RASEF: variants seen among roughly 807,000 people sequenced by gnomAD.
The protein encoded by RASEF is RAS and EF-hand domain containing, also known as ras and EF-hand domain-containing protein.
Under a neutral mutation model 90.1 loss-of-function variants are expected in RASEF, and 68 were observed. The ratio of observed to expected loss-of-function variants is 0.75; its 90% confidence interval spans 0.62 to 0.92. The LOEUF (loss-of-function observed/expected upper bound fraction) is 0.92. Ranked by LOEUF, RASEF falls within the 40% of genes least tolerant of loss-of-function variation. RASEF has a pLI of 0.00. For synonymous variants in RASEF, 331 were observed against 345.2 expected, an observed-to-expected ratio of 0.96 and a Z score of 0.46; for missense variants, 949 against 937.2, an observed-to-expected ratio of 1.01 and a Z score of -0.16.
chr9:83,073,184 G>A, the RASEF span, among the ~76,000 whole-genome samples: 2 of 152,028 alleles, frequency 1.3e-5, no homozygotes, highest in Admixed American at 1.3e-4. Context: ...CCTCCTGCTG[G>A]TAGGGTTTGC....
the RASEF span, among the ~76,000 whole-genome samples, chr9:83,178,662 A>G: frequency 6.6e-6 from 1 of 152,184 alleles, no homozygotes; most frequent in Non-Finnish European, 1.5e-5. Context: ...TAATAAATAC[A>G]TCTAAGATTG....
chr9:83,002,089 C>T (rs2118452124), intron 9 of RASEF, among the ~76,000 whole-genome samples: 1 of 152,234 alleles, frequency 6.6e-6, no homozygotes, highest in Non-Finnish European at 1.5e-5. Context: ...TCTAAGTTTA[C>T]CAATTATGGT....
chr9:82,982,679 A>T lies in RASEF; in HGVS notation c.2221T>A (p.Ter741LysextTer8). 1 of 1,536,988 alleles carries T rather than the reference A, an allele frequency of 6.5e-7. No homozygotes were observed. The highest frequency in any genetic ancestry group is 9.0e-7 in the Non-Finnish European group (1 of 1,109,680). ...SPQMKNCCNG[*>K] ...CACAGGCCAAGGATGTTTGGGATTT[A>T]GCCATTGCAACAATTCTTCATCTGT... Residue 741 changes from the stop codon to lysine (K), a stop_lost, in exon 17 of 17, where the codon TAA becomes AAA. Transcript: ENST00000376447.
In RASEF at chr9:83,062,817, G is replaced by A. The variant is rs554402618; in HGVS notation, c.51C>T (p.Phe17=). 7.1e-6 allele frequency: 11 copies of A among 1,554,974 alleles called. No individual in the cohort carries two copies. Among genetic ancestry groups the A allele is most frequent in the Non-Finnish European group, 9.5e-6 (11 of 1,161,368 alleles). Residue 17 remains phenylalanine (F), a synonymous_variant, in exon 1 of 17, where the codon TTC becomes TTT. Coordinates refer to ENST00000376447, the MANE Select transcript of RASEF (RefSeq NM_152573.4). Reference sequence around the variant, plus strand: ...CCGAGCGGTTCGCGTCGCAGGCGGCGAAGACTGAGCGCAGCCGGGCCAGCT... The same window carrying A: ...CCGAGCGGTTCGCGTCGCAGGCGGCAAAGACTGAGCGCAGCCGGGCCAGCT... ...GEELARLRSV[F]AACDANRSGR...
At chr9:83,217,537 T>C in the RASEF span, among the ~76,000 whole-genome samples, 1 of 152,004 alleles carries the variant, frequency 6.6e-6, no homozygotes, top group Non-Finnish European at 1.5e-5. Flanking sequence ...GTTCTCATGG[T>C]AGTGAATAAG....
chr9:83,096,928 C>T, the RASEF span, among the ~76,000 whole-genome samples: 38 of 152,102 alleles, frequency 2.5e-4, no homozygotes, highest in South Asian at 7.9e-3. Context: ...TGATGGTTTC[C>T]AGCTTCATCC....
chr9:83,114,239 T>G, the RASEF span, among the ~76,000 whole-genome samples: 1 of 152,218 alleles, frequency 6.6e-6, no homozygotes, highest in Admixed American at 6.5e-5. Flanking sequence ...GAACATAAAT[T>G]GTGAAGATTT....
At chr9:83,187,315 G>C in the RASEF span, among the ~76,000 whole-genome samples, 1 of 152,012 alleles carries the variant, frequency 6.6e-6, no homozygotes, top group Non-Finnish European at 1.5e-5. Flanking sequence ...GGCCACTTCT[G>C]TCTGCCATCA....
At chr9:83,209,518 C>A in the RASEF span, among the ~76,000 whole-genome samples, 713 of 152,354 alleles carry the variant, frequency 4.7e-3, 3 homozygotes, top group Non-Finnish European at 8.1e-3. Context: ...AAGAAACTGG[C>A]CCAGGCCAAG....
the RASEF span, among the ~76,000 whole-genome samples, chr9:83,182,842 TCCATATCATGGAATGTG>T: frequency 1.0e-3 from 154 of 152,252 alleles, no homozygotes; most frequent in African/African-American, 3.6e-3. Context: ...ACATGATATA[TCCATATCATGGAATGTG>T]CCATACCTTA....
intron 1 of RASEF, among the ~76,000 whole-genome samples, chr9:83,044,330 T>C (rs1829892019): frequency 6.6e-6 from 1 of 152,176 alleles, no homozygotes; most frequent in Non-Finnish European, 1.5e-5. Context: ...CGGCTATGGC[T>C]GCCCAAATCC....
At chr9:83,142,745 G>A in the RASEF span, among the ~76,000 whole-genome samples, 1 of 152,156 alleles carries the variant, frequency 6.6e-6, no homozygotes, top group Non-Finnish European at 1.5e-5. Flanking sequence ...CATTTTTTAA[G>A]AGAAATCAGG....
chr9:83,138,233 C>T, the RASEF span, among the ~76,000 whole-genome samples: 2 of 152,160 alleles, frequency 1.3e-5, no homozygotes, highest in Admixed American at 1.3e-4. Context: ...ACTGAAAATA[C>T]CACTATTATC....
At chr9:83,073,079 C>T in the RASEF span, among the ~76,000 whole-genome samples, 5 of 152,158 alleles carry the variant, frequency 3.3e-5, no homozygotes, top group African/African-American at 1.2e-4. Flanking sequence ...CTCTCCATCA[C>T]GCATGTAGCA....
the RASEF span, among the ~76,000 whole-genome samples, chr9:83,103,100 A>G: frequency 2.0e-5 from 3 of 152,212 alleles, no homozygotes; most frequent in Admixed American, 6.5e-5. Context: ...TGCTCTGAGC[A>G]TTTGAAGTCA....
intron 1 of RASEF, among the ~76,000 whole-genome samples, chr9:83,046,794 A>G (rs773497292): frequency 1.6e-4 from 25 of 152,186 alleles, no homozygotes; most frequent in Non-Finnish European, 3.2e-4. Flanking sequence ...GCAGATGGGC[A>G]ACAAATCAGG....
At chr9:83,200,221 C>T in the RASEF span, among the ~76,000 whole-genome samples, 1 of 152,062 alleles carries the variant, frequency 6.6e-6, no homozygotes, top group Non-Finnish European at 1.5e-5. Flanking sequence ...CATGGTAAAA[C>T]CCCATCTCTA....
chr9:83,135,541 A>G, the RASEF span, among the ~76,000 whole-genome samples: 1 of 152,194 alleles, frequency 6.6e-6, no homozygotes, highest in Non-Finnish European at 1.5e-5. Flanking sequence ...ACACTTTAAA[A>G]GGGTGAGTTT....
chr9:83,023,801 A>C (rs75501013), intron 2 of RASEF, among the ~76,000 whole-genome samples: 4,513 of 152,242 alleles, frequency 0.03, 206 homozygotes, highest in African/African-American at 0.1. Context: ...CTGTTATGAT[A>C]ATTTCCCACC....
Sources: gnomAD v4.1 joint callset for allele counts (sites outside exome capture counted in the v4.1 genomes callset) on GRCh38, gnomAD v4.1.1 for gene constraint, MANE v1.5 for transcripts, NCBI Gene and HGNC (gene_info 2026-07-23, HGNC 2026-07-21) for gene names.